BFSP2: variants seen among roughly 807,000 people sequenced by gnomAD.
BFSP2 encodes beaded filament structural protein 2, also known as phakinin.
In BFSP2, 38 loss-of-function variants were observed where a neutral mutation model predicts 44.9. The ratio of observed to expected loss-of-function variants is 0.85; its 90% CI spans 0.65 to 1.11. The LOEUF is 1.11. BFSP2 is among the 50% of genes least tolerant of loss of function. BFSP2 has a pLI of 0.00. For missense variants in BFSP2, 525 were observed against 533.0 expected (o/e 0.99, Z 0.15); for synonymous variants, 197 against 209.9 (o/e 0.94, Z 0.53).
At chr3:133,430,415 C>T (rs1184660466) in intron 1 of BFSP2, among the ~76,000 whole-genome samples, 1 of 151,728 alleles carries the variant, frequency 6.6e-6, no homozygotes, top group Middle Eastern at 3.2e-3. Flanking sequence ...TCTCCAGCAC[C>T]TGTTGTTTCC....
chr3:133,435,966 T>C (rs2073777228), intron 1 of BFSP2, among the ~76,000 whole-genome samples: 1 of 152,244 alleles, frequency 6.6e-6, no homozygotes, highest in Non-Finnish European at 1.5e-5. Context: ...ATAGGGGCTC[T>C]TTCCAAACTG....
chr3:133,462,071 TGGA>T (rs2074069443), intron 4 of BFSP2, among the ~76,000 whole-genome samples: 2 of 151,762 alleles, frequency 1.3e-5, no homozygotes, highest in Non-Finnish European at 2.9e-5. Context: ...CAGGCAGGCA[TGGA>T]CCTGGGAGTG....
intron 1 of BFSP2, among the ~76,000 whole-genome samples, chr3:133,441,701 A>G (rs2073846942): frequency 6.6e-6 from 1 of 152,226 alleles, no homozygotes; most frequent in East Asian, 1.9e-4. Flanking sequence ...ACACTGTGCT[A>G]GGGATGGAAC....
At chr3:133,454,047 C>T (rs755336063) in intron 4 of BFSP2, among the ~76,000 whole-genome samples, 6 of 152,120 alleles carry the variant, frequency 3.9e-5, no homozygotes, top group Non-Finnish European at 7.4e-5. Context: ...CTAGTTCTTC[C>T]TTGTCTATTT....
chr3:133,454,449 A>C (rs1298361118), intron 4 of BFSP2, among the ~76,000 whole-genome samples: 1 of 152,176 alleles, frequency 6.6e-6, no homozygotes, highest in Non-Finnish European at 1.5e-5. Flanking sequence ...CTATAATTCA[A>C]TTCAATCCTG....
chr3:133,420,481 G>A (rs377498231), intron 1 of BFSP2, among the ~76,000 whole-genome samples: 2 of 152,172 alleles, frequency 1.3e-5, no homozygotes, highest in African/African-American at 2.4e-5. Flanking sequence ...GAATCACCGC[G>A]TGCCCTTGTC....
intron 1 of BFSP2, among the ~76,000 whole-genome samples, chr3:133,412,778 G>C (rs1029910773): frequency 8.5e-5 from 13 of 152,236 alleles, no homozygotes; most frequent in Admixed American, 7.8e-4. Flanking sequence ...GGTGAAAGGT[G>C]AATGTGGAAC....
chr3:133,440,274 G>A (rs551890165), intron 1 of BFSP2, among the ~76,000 whole-genome samples: 5 of 152,246 alleles, frequency 3.3e-5, no homozygotes, highest in South Asian at 4.1e-4. Flanking sequence ...CCCACAACAC[G>A]TGGGGATTAT....
chr3:133,405,559 C>A (rs576458823), intron 1 of BFSP2, among the ~76,000 whole-genome samples: 1 of 152,292 alleles, frequency 6.6e-6, no homozygotes, highest in South Asian at 2.1e-4. Flanking sequence ...TCCTTCTCCA[C>A]TGAGAATAAA....
At chr3:133,414,944 C>CA (rs1273360580) in intron 1 of BFSP2, among the ~76,000 whole-genome samples, 10 of 118,068 alleles carry the variant, frequency 8.5e-5, no homozygotes, top group Admixed American at 2.4e-4. Context: ...CCCCTCTACT[C>CA]ACCCTGCCAT....
At chr3:133,445,890 G>A (rs1241855828) in intron 1 of BFSP2, among the ~76,000 whole-genome samples, 1 of 152,124 alleles carries the variant, frequency 6.6e-6, no homozygotes, top group African/African-American at 2.4e-5. Flanking sequence ...TTGGAGGGTA[G>A]GAATTGTTAC....
At chr3:133,403,894 G>T (rs1400090355) in intron 1 of BFSP2, among the ~76,000 whole-genome samples, 1 of 152,142 alleles carries the variant, frequency 6.6e-6, no homozygotes, top group Non-Finnish European at 1.5e-5. Flanking sequence ...GGAAACAATT[G>T]CTGTCACTGT....
intron 1 of BFSP2, among the ~76,000 whole-genome samples, chr3:133,414,858 C>T (rs1379883183): frequency 3.2e-5 from 4 of 125,240 alleles, no homozygotes; most frequent in South Asian, 3.0e-4. Flanking sequence ...CTTCCATCTA[C>T]TCACACCTGC....
At chr3:133,463,022 G>A (rs1052512316) in intron 4 of BFSP2, among the ~76,000 whole-genome samples, 1 of 152,170 alleles carries the variant, frequency 6.6e-6, no homozygotes, top group Admixed American at 6.5e-5. Flanking sequence ...AAACTCTAGA[G>A]CAGAGACCGG....
At position 133,427,028 on chromosome 3, in the gene BFSP2, C is replaced by A. The variant is rs79507961; in HGVS notation, c.490-20289C>A. 6.1e-3 allele frequency among the ~76,000 whole-genome samples: 922 copies of A among 152,288 alleles called. 9 individuals are homozygous for A. Among genetic ancestry groups the A allele is most frequent in the African/African-American group, 0.021 (865 of 41,550 alleles). ...AGGATTATGCATGCTGAGTATGATG[C>A]TGGTGATTCAAGTGAGGAAGTTTCC... On this transcript the variant is annotated intron_variant, in intron 1 of 6. Transcript: ENST00000302334.
chr3:133,468,286 G>A (rs1316907164), intron 5 of BFSP2, among the ~76,000 whole-genome samples: 1 of 152,126 alleles, frequency 6.6e-6, no homozygotes, highest in Non-Finnish European at 1.5e-5. Flanking sequence ...TTCGTGGTGG[G>A]TGCTCTCCTC....
Position 133,429,061 on chromosome 3 carries a change from G to C in BFSP2, c.490-18256G>C, listed in dbSNP as rs546237416. Among the ~76,000 whole-genome samples the C allele has an allele frequency of 3.3e-5, 5 of 152,070 alleles. No homozygotes were observed. In the South Asian group the frequency reaches 1.0e-3, roughly 32 times the overall value. On this transcript the variant is annotated intron_variant, in intron 1 of 6. Transcript: ENST00000302334. Reference sequence around the variant, plus strand: ...TTAAAACCTGAAATCAAAGATTTTAGATATAATTGAAACTCCCCTTGTACT... The same window carrying C: ...TTAAAACCTGAAATCAAAGATTTTACATATAATTGAAACTCCCCTTGTACT...
At position 133,401,588 on chromosome 3, in the gene BFSP2, T is replaced by C. The variant is rs2107872393; in HGVS notation, c.489+1016T>C. ...TCTGGCCTGCAGCCTGTAGTTCTAA[T>C]GCTGGGACTCCAGCCAGCATTACAC... On this transcript the variant is annotated intron_variant, in intron 1 of 6. Coordinates refer to ENST00000302334, the MANE Select transcript of BFSP2 (RefSeq NM_003571.4). Among the ~76,000 whole-genome samples the C allele has an allele frequency of 1.3e-5, 2 of 152,252 alleles. 1 individual carries two copies. The highest frequency in any genetic ancestry group is 4.8e-5 in the African/African-American group (2 of 41,568).
At chr3:133,446,562 C>T (rs2073898753) in intron 1 of BFSP2, among the ~76,000 whole-genome samples, 1 of 101,040 alleles carries the variant, frequency 9.9e-6, no homozygotes, top group African/African-American at 4.4e-5. Flanking sequence ...GAGCCTTCAG[C>T]TCACCATTTA....
Sources: gnomAD v4.1 joint callset for allele counts (sites outside exome capture counted in the v4.1 genomes callset) on GRCh38, gnomAD v4.1.1 for gene constraint, MANE v1.5 for transcripts, NCBI Gene and HGNC (gene_info 2026-07-23, HGNC 2026-07-21) for gene names.